Variants in OVOL3 observed in about 807,000 individuals in gnomAD.
The protein encoded by OVOL3 is putative transcription factor ovo-like protein 3.
In OVOL3, 15 loss-of-function variants were observed where a neutral mutation model predicts 13.6. That is an observed-to-expected ratio of 1.11 (90% CI 0.74 to 1.70). OVOL3 has a LOEUF of 1.70. Ranked by LOEUF, OVOL3 falls within the 40% of genes most tolerant of loss-of-function variation. The pLI, the probability that OVOL3 is intolerant of heterozygous loss-of-function variation, is 0.00. For synonymous variants in OVOL3, 102 were observed against 108.5 expected, an observed-to-expected ratio of 0.94 and a Z score of 0.37; for missense variants, 290 against 280.6, an observed-to-expected ratio of 1.03 and a Z score of -0.24.
chr19:36,111,830 C>G (rs1973827648), intron 2 of OVOL3: 1 of 466,904 alleles, frequency 2.1e-6, no homozygotes, highest in Admixed American at 2.3e-5. Context: ...AAGCAAGGCA[C>G]TGTTCTAGGC....
chr19:36,113,651 G>C lies in OVOL3; in HGVS notation c.563G>C (p.Arg188Pro), dbSNP rs775404025. The C allele has an allele frequency of 4.4e-5, 68 of 1,548,842 alleles. No homozygotes were observed. The highest frequency in any genetic ancestry group is 3.3e-4 in the Middle Eastern group (2 of 5,988). ...DTYAQHRALH[R>P]AA ...TACGCACAGCACCGCGCCCTGCACC[G>C]CGCAGCCTGATACGGTGTGCCAGCG... The change falls in exon 4 of 4, where the codon CGC (arginine) becomes CCC (proline). Residue 188 changes from arginine (R) to proline (P), a missense_variant. By Grantham distance (103) the Arg-to-Pro change is moderately radical. Coordinates refer to ENST00000633214, the MANE Select transcript of OVOL3 (RefSeq NM_001302757.2).
chr19:36,113,664 C>A lies in OVOL3; in HGVS notation c.*3C>A. On this transcript the variant is annotated 3_prime_UTR_variant, in exon 4 of 4. Transcript: ENST00000633214. Reference sequence around the variant, plus strand: ...GCGCCCTGCACCGCGCAGCCTGATACGGTGTGCCAGCGTCCTCCCCACGAG... The same window carrying A: ...GCGCCCTGCACCGCGCAGCCTGATAAGGTGTGCCAGCGTCCTCCCCACGAG... The A allele has an allele frequency of 1.3e-6, 2 of 1,549,506 alleles. No individual in the cohort carries two copies. Among genetic ancestry groups the A allele is most frequent in the Non-Finnish European group, 1.7e-6 (2 of 1,145,912 alleles).
intron 2 of OVOL3, among the ~76,000 whole-genome samples, chr19:36,112,499 G>A (rs928738609): frequency 6.7e-5 from 10 of 149,314 alleles, no homozygotes; most frequent in Non-Finnish European, 1.2e-4. Flanking sequence ...CTGCCTGGGC[G>A]ACAGAGCAAG....
At chr19:36,111,725 C>G (rs2145900080) in intron 2 of OVOL3, 1 of 594,610 alleles carries the variant, frequency 1.7e-6, no homozygotes, top group East Asian at 3.7e-5. Context: ...GAACATGGGA[C>G]AAGGCAACAG....
rs928691038 is a variant in OVOL3, at chr19:36,112,756, C to G, written c.160-4C>G. The G allele has an allele frequency of 3.3e-6, 5 of 1,532,752 alleles. No individual in the cohort carries two copies. The highest frequency in any genetic ancestry group is 4.4e-6 in the Non-Finnish European group (5 of 1,145,748). 94.9% of individuals were successfully genotyped at this position (1,532,752 alleles called of 1,614,324 possible). ...AGAGGCTAATAACTCCTGCATCCCT[C>G]CAGCAGCCCACACAGGGCAACCTGA... On this transcript the variant is annotated splice_region_variant and splice_polypyrimidine_tract_variant and intron_variant, in intron 2 of 3. Transcript: ENST00000633214.
intron 2 of OVOL3, among the ~76,000 whole-genome samples, chr19:36,112,392 G>A (rs1238985779): frequency 6.6e-6 from 1 of 152,066 alleles, no homozygotes; most frequent in African/African-American, 2.4e-5. Context: ...TGTGGCGCAT[G>A]CCTACAATCG....
chr19:36,111,527 C>G, intron 2 of OVOL3, 94 bp downstream of exon 2: 2 of 1,270,286 alleles, frequency 1.6e-6, no homozygotes, highest in South Asian at 2.6e-5. Context: ...CCCGACCCAT[C>G]TGCACACGCC....
Position 36,112,898 on chromosome 19 carries a change from T to C in OVOL3, c.298T>C (p.Cys100Arg). ...CCACAGCCCCGTGCGCCGCCACCTGTGCCGCTGTTGTGGCAAGGGCTTTCA... is the reference window on the plus strand; with the variant it reads ...CCACAGCCCCGTGCGCCGCCACCTGCGCCGCTGTTGTGGCAAGGGCTTTCA... ...KCHSPVRRHL[C>R]RCCGKGFHDA... The change falls in exon 3 of 4, where the codon TGC becomes CGC. Residue 100 changes from cysteine to arginine, a missense_variant. Cys to Arg is a radical substitution (Grantham distance 180). Transcript: ENST00000633214. The C allele has an allele frequency of 6.5e-7, 1 of 1,536,234 alleles. No homozygotes were observed. Among genetic ancestry groups the C allele is most frequent in the Non-Finnish European group, 8.7e-7 (1 of 1,146,942 alleles).
At position 36,111,380 on chromosome 19, in the gene OVOL3, C is replaced by CT; in HGVS notation, c.107dup (p.Pro39AlafsTer39). The CT allele has an allele frequency of 6.5e-7, 1 of 1,535,984 alleles. No individual in the cohort carries two copies. The highest frequency in any genetic ancestry group is 8.7e-7 in the Non-Finnish European group (1 of 1,146,804). The stretch of plus-strand genomic sequence containing the variant: ...GCTTTTCTCCTCAGACTGCAGCAGC[C>CT]TGGGGGGGCCACCGGCACAACAGTC... On this transcript the variant is annotated frameshift_variant, in exon 2 of 4. Coordinates refer to ENST00000633214, the MANE Select transcript of OVOL3 (RefSeq NM_001302757.2). LOFTEE classifies it high-confidence loss of function.
chr19:36,111,729 G>A, intron 2 of OVOL3: 1 of 589,048 alleles, frequency 1.7e-6, no homozygotes, highest in Non-Finnish European at 3.2e-6. Context: ...ATGGGACAAG[G>A]CAACAGGAGT....
In OVOL3 at chr19:36,111,493, A is replaced by C. The variant is rs1973816407; in HGVS notation, c.159+60A>C. On this transcript the variant is annotated intron_variant, in intron 2 of 3. Transcript: ENST00000633214. ...TCGCTCCTGCCTGCTCTCAGCCTTA[A>C]TGAAGCTGACAGCCCCTTGCTCCCC... 3.3e-6 allele frequency: 5 copies of C among 1,504,290 alleles called. No individual in the cohort carries two copies. The South Asian group carries it at 6.0e-5, about 18-fold the overall frequency. 93.2% of individuals were successfully genotyped at this position (1,504,290 alleles called of 1,614,324 possible). A position where few individuals can be genotyped will look rare whatever the true frequency, so the allele number is the denominator to read the frequency against.
In OVOL3 at chr19:36,112,895, CT is replaced by C; in HGVS notation, c.296del (p.Leu99ArgfsTer19). Reference sequence around the variant, plus strand: ...GTGCCACAGCCCCGTGCGCCGCCACCTGTGCCGCTGTTGTGGCAAGGGCTTT... The same window carrying C: ...GTGCCACAGCCCCGTGCGCCGCCACCGTGCCGCTGTTGTGGCAAGGGCTTT... ...LKCHSPVRRH[L>X]CRCCGKGFHD... is the part of the protein sequence containing the mutation. On this transcript the variant is annotated frameshift_variant, in exon 3 of 4. Transcript: ENST00000633214. LOFTEE classifies it high-confidence loss of function. The C allele has an allele frequency of 1.3e-6, 2 of 1,536,254 alleles. No individual in the cohort carries two copies. The highest frequency in any genetic ancestry group is 1.7e-6 in the Non-Finnish European group (2 of 1,146,950).
chr19:36,112,298 T>C (rs146545651), intron 2 of OVOL3, among the ~76,000 whole-genome samples: 1 of 152,078 alleles, frequency 6.6e-6, no homozygotes, highest in African/African-American at 2.4e-5. Flanking sequence ...GGTGGGTGGA[T>C]TGCTTGAGGT....
intron 2 of OVOL3, 139 bp from the exon 3 acceptor site, chr19:36,112,621 C>T (rs902272095): frequency 1.4e-6 from 1 of 718,998 alleles, no homozygotes. Context: ...GTGACAGGCA[C>T]ACACACTAAT....
rs1024368716 is a variant in OVOL3 at position 36,111,470 on chromosome 19, G to A, written c.159+37G>A. 7.9e-6 allele frequency: 12 copies of A among 1,526,342 alleles called. No individual in the cohort carries two copies. In the African/African-American group the frequency reaches 8.2e-5, roughly 10 times the overall value. The allele number at this position is 1,526,342 out of a possible 1,614,324, so 94.5% of individuals were successfully genotyped here. On this transcript the variant is annotated intron_variant, in intron 2 of 3. Transcript: ENST00000633214. ...ACTGGCTAGCAAAGCCAGCTGTTTC[G>A]CTCCTGCCTGCTCTCAGCCTTAATG...
At position 36,112,776 on chromosome 19, in the gene OVOL3, A is replaced by C. The variant is rs909085213; in HGVS notation, c.176A>C (p.Asn59Thr). ...DPWTAQPTQG[N>T]LTSAPRGPGT... Reference sequence around the variant, plus strand: ...TCCCTCCAGCAGCCCACACAGGGCAACCTGACCTCTGCTCCCAGGGGCCCT... The same window carrying C: ...TCCCTCCAGCAGCCCACACAGGGCACCCTGACCTCTGCTCCCAGGGGCCCT... The change falls in exon 3 of 4, where the codon AAC becomes ACC. Residue 59 changes from asparagine to threonine, a missense_variant. Transcript: ENST00000633214. 6.5e-7 allele frequency: 1 copy of C among 1,534,428 alleles called. No homozygotes were observed. The highest frequency in any genetic ancestry group is 2.0e-5 in the Admixed American group (1 of 50,992).
rs1973808020 is a variant in OVOL3 at position 36,111,255 on chromosome 19, G to A, written c.53G>A (p.Gly18Asp). ...RSRRPQPPNW[G>D]HLPDQLRGDA... ...CGGCGTCCACAGCCCCCCAACTGGGGCCATCTGCCTGACCAGCTCCGGGGA... is the reference window on the plus strand; with the variant it reads ...CGGCGTCCACAGCCCCCCAACTGGGACCATCTGCCTGACCAGCTCCGGGGA... The change falls in exon 1 of 4, where the codon GGC (glycine) becomes GAC (aspartate). Residue 18 changes from glycine (G) to aspartate (D), a missense_variant. Coordinates refer to ENST00000633214, the MANE Select transcript of OVOL3 (RefSeq NM_001302757.2). 1.3e-6 allele frequency: 2 copies of A among 1,535,908 alleles called. No homozygotes were observed. Among genetic ancestry groups the A allele is most frequent in the Non-Finnish European group, 8.7e-7 (1 of 1,146,872 alleles).
chr19:36,112,532 A>G (rs1210741050), intron 2 of OVOL3, among the ~76,000 whole-genome samples: 2 of 151,332 alleles, frequency 1.3e-5, no homozygotes, highest in Non-Finnish European at 3.0e-5. Flanking sequence ...AAAAAAAAAA[A>G]TGTGTATGTC....
chr19:36,111,545 C>G (rs766154773), intron 2 of OVOL3, 112 bp downstream of exon 2: 2 of 1,090,816 alleles, frequency 1.8e-6, no homozygotes, highest in Non-Finnish European at 2.7e-6. Context: ...GCCCTCCAGC[C>G]TCGGGACCTG....
Sources: gnomAD v4.1 joint callset for allele counts (sites outside exome capture counted in the v4.1 genomes callset) on GRCh38, gnomAD v4.1.1 for gene constraint, MANE v1.5 for transcripts, NCBI Gene and HGNC (gene_info 2026-07-23, HGNC 2026-07-21) for gene names.